Variants in AVEN observed in about 807,000 individuals in gnomAD.
AVEN encodes cell death regulator Aven.
In AVEN, 41 loss-of-function variants were observed where a neutral mutation model predicts 38.1. That is an observed-to-expected ratio of 1.08 (90% CI 0.84 to 1.40). AVEN has a LOEUF of 1.40. AVEN is among the 40% of genes most tolerant of loss of function. The probability of loss-of-function intolerance (pLI) is 0.00; values close to 1 mark genes in which losing one functional copy is unlikely to be tolerated. For missense variants in AVEN, 605 were observed against 438.8 expected, an observed-to-expected ratio of 1.38 and a Z score of -3.38; for synonymous variants, 206 against 171.8, an observed-to-expected ratio of 1.20 and a Z score of -1.56.
intron 2 of AVEN, among the ~76,000 whole-genome samples, chr15:33,967,601 A>G (rs73383745): frequency 0.047 from 7,143 of 152,018 alleles, 509 homozygotes; most frequent in African/African-American, 0.15. Flanking sequence ...AATGTTCCAT[A>G]ATAATTTTTT....
rs1023302435 is a variant in AVEN at position 34,011,220 on chromosome 15, C to T, written c.268-8011G>A. Among the ~76,000 whole-genome samples the T allele has an allele frequency of 4.0e-5, 6 of 150,548 alleles. No homozygotes were observed. In the East Asian group the frequency reaches 7.8e-4, roughly 20 times the overall value. On this transcript the variant is annotated intron_variant, in intron 1 of 5. Transcript: ENST00000306730. The stretch of plus-strand genomic sequence containing the variant: ...AAAAACTTTGTTTACTAGGCCTATA[C>T]GAAAAAGGAAAAAAAGGCAGGGGGA...
chr15:33,862,670 G>C (rs1212081475), downstream of AVEN, among the ~76,000 whole-genome samples: 2 of 152,022 alleles, frequency 1.3e-5, no homozygotes, highest in Non-Finnish European at 2.9e-5. Context: ...AAGTGCAGTG[G>C]CGCCATCTTG....
At chr15:33,992,665 A>C (rs1431042677) in intron 2 of AVEN, among the ~76,000 whole-genome samples, 1 of 2,396 alleles carries the variant, frequency 4.2e-4, no homozygotes, top group Non-Finnish European at 8.8e-3. Flanking sequence ...ATACAAGAAG[A>C]GGGAAAAAAA....
chr15:33,866,797 T>C (rs1039245779), intron 5 of AVEN, 69 bp from the exon 6 acceptor site: 1 of 1,107,496 alleles, frequency 9.0e-7, no homozygotes, highest in Non-Finnish European at 1.4e-6. Context: ...TTCAGCCCAA[T>C]TTATTACTTT....
exon 12 of AVEN, chr15:33,859,007 G>A (rs1276289206): frequency 6.5e-6 from 1 of 152,894 alleles, no homozygotes; most frequent in Non-Finnish European, 1.5e-5. Context: ...GTGTAAGACG[G>A]TCCTTTCTCT....
intron 2 of AVEN, among the ~76,000 whole-genome samples, chr15:33,933,931 T>G (rs1893968305): frequency 6.6e-6 from 1 of 152,074 alleles, no homozygotes; most frequent in South Asian, 2.1e-4. Context: ...TGCACTCTGG[T>G]TTGGGTGATG....
chr15:34,070,389 A>T (rs1005248141), intron 2 of AVEN, among the ~76,000 whole-genome samples: 10 of 147,600 alleles, frequency 6.8e-5, no homozygotes, highest in East Asian at 4.2e-4. Flanking sequence ...TTTTTTTTTT[A>T]AATCGAACTC....
intron 11 of AVEN, among the ~76,000 whole-genome samples, chr15:33,859,959 T>C (rs1490262029): frequency 2.0e-5 from 3 of 152,164 alleles, no homozygotes; most frequent in African/African-American, 4.8e-5. Context: ...AGGAACCCCT[T>C]CCTTCTGTTC....
intron 1 of AVEN, among the ~76,000 whole-genome samples, chr15:34,012,613 T>C (rs1467317472): frequency 1.3e-5 from 2 of 152,216 alleles, no homozygotes; most frequent in Non-Finnish European, 2.9e-5. Context: ...TCTACCAGCG[T>C]AAGTCTGGTT....
At chr15:33,957,070 A>G (rs1293814395) in intron 2 of AVEN, among the ~76,000 whole-genome samples, 1 of 152,228 alleles carries the variant, frequency 6.6e-6, no homozygotes, top group African/African-American at 2.4e-5. Context: ...GCACCTTCTT[A>G]AAGTTTAATA....
At chr15:34,073,989 C>CTTTTTTTTTTTTTTTTTTTT (rs5811818) in intron 1 of AVEN, among the ~76,000 whole-genome samples, 17 of 31,504 alleles carry the variant, frequency 5.4e-4, no homozygotes, top group East Asian at 2.3e-3. Flanking sequence ...TCTTCTTCTT[C>CTTTTTTTTTTTTTTTTTTTT]TTTTTTTTTT....
At chr15:34,037,988 C>T (rs1326067556) in intron 1 of AVEN, among the ~76,000 whole-genome samples, 3 of 152,220 alleles carry the variant, frequency 2.0e-5, no homozygotes, top group African/African-American at 7.2e-5. Flanking sequence ...CCTCTAACTC[C>T]TTTAGCTGAG....
At chr15:33,857,632 T>C, downstream of AVEN, 1 of 892,410 alleles carries the variant, frequency 1.1e-6, no homozygotes. Flanking sequence ...CATGGCCTGA[T>C]AGCTTTCTTA....
At chr15:33,890,518 GA>G (rs1247769741) in intron 2 of AVEN, among the ~76,000 whole-genome samples, 1 of 152,094 alleles carries the variant, frequency 6.6e-6, no homozygotes, top group Non-Finnish European at 1.5e-5. Flanking sequence ...AATAAGGGGG[GA>G]AATCATGTTA....
At position 33,860,648 on chromosome 15, in the gene AVEN, G is replaced by C. The variant is rs747821141; in HGVS notation, n.2730-1554C>G. 9 of 1,590,890 alleles carry C rather than the reference G, an allele frequency of 5.7e-6. No homozygotes were observed. In the Admixed American group the frequency reaches 1.6e-4, roughly 28 times the overall value. On this transcript the variant is annotated intron_variant and non_coding_transcript_variant, in intron 11 of 11. Coordinates refer to the AVEN transcript ENST00000675287. ...AAGAGACCAGCAGGAACAAGTACGA[G>C]AAGATATGGAGGTAATGTTACTCTA...
At chr15:34,036,830 G>A (rs565738209) in intron 1 of AVEN, among the ~76,000 whole-genome samples, 51 of 150,980 alleles carry the variant, frequency 3.4e-4, no homozygotes, top group African/African-American at 7.2e-4. Context: ...ATGACCAGGC[G>A]CAGTGGGTCA....
chr15:34,052,863 A>G (rs1296899274), intron 5 of AVEN, among the ~76,000 whole-genome samples: 1 of 152,194 alleles, frequency 6.6e-6, no homozygotes, highest in Non-Finnish European at 1.5e-5. Flanking sequence ...AACAAATGGA[A>G]AAACATCCCA....
At chr15:33,966,317 T>A (rs1895380858) in intron 2 of AVEN, among the ~76,000 whole-genome samples, 1 of 152,196 alleles carries the variant, frequency 6.6e-6, no homozygotes, top group African/African-American at 2.4e-5. Context: ...CTGTATTAAA[T>A]GGTGATAATC....
chr15:33,956,457 T>C (rs1473545256), intron 2 of AVEN, among the ~76,000 whole-genome samples: 1 of 152,230 alleles, frequency 6.6e-6, no homozygotes, highest in Non-Finnish European at 1.5e-5. Context: ...TCTTTTCACA[T>C]GTTTAAGAGC....
Sources: gnomAD v4.1 joint callset for allele counts (sites outside exome capture counted in the v4.1 genomes callset) on GRCh38, gnomAD v4.1.1 for gene constraint, MANE v1.5 for transcripts, NCBI Gene and HGNC (gene_info 2026-07-23, HGNC 2026-07-21) for gene names.